Variants in DYSF observed in about 807,000 individuals in gnomAD.
DYSF encodes dysferlin, also known as dystrophy-associated fer-1-like 1.
DYSF carries 212 observed loss-of-function variants against 274.9 expected under a neutral mutation model. That is an observed-to-expected ratio of 0.77 (90% CI 0.69 to 0.86). DYSF has a LOEUF of 0.86. Ranked by LOEUF, DYSF falls within the 40% of genes least tolerant of loss-of-function variation. The pLI is 0.00. For synonymous variants in DYSF, 1,091 were observed against 1,078.7 expected, an observed-to-expected ratio of 1.01 and a Z score of -0.22; for missense variants, 2,666 against 2,783.2, an observed-to-expected ratio of 0.96 and a Z score of 0.95.
intron 41 of DYSF, among the ~76,000 whole-genome samples, chr2:71,642,998 C>T (rs2094510050): frequency 6.6e-6 from 1 of 152,158 alleles, no homozygotes; most frequent in Non-Finnish European, 1.5e-5. Flanking sequence ...TGTCCTTGGC[C>T]CTTCCCACTA....
rs1377703768 is a variant in DYSF at position 71,556,616 on chromosome 2, ATAAC to A, written c.2216+548_2216+551del. Among the ~76,000 whole-genome samples the A allele has an allele frequency of 2.0e-5, 3 of 152,202 alleles. No individual in the cohort carries two copies. The East Asian group carries it at 5.8e-4, about 29-fold the overall frequency. ...TCTCAACTTCAACCTGGCATGAAGAATAACTACTTTATAATATCTTCTAAACAAA... is the reference window on the plus strand; with the variant it reads ...TCTCAACTTCAACCTGGCATGAAGAATACTTTATAATATCTTCTAAACAAA... On this transcript the variant is annotated intron_variant, in intron 22 of 55. Transcript: ENST00000410020.
chr2:71,497,175 A>G (rs1357245109), intron 3 of DYSF, among the ~76,000 whole-genome samples: 1 of 152,230 alleles, frequency 6.6e-6, no homozygotes, highest in African/African-American at 2.4e-5. Context: ...AGACAGGGGA[A>G]TTGCAACAGA....
intron 3 of DYSF, among the ~76,000 whole-genome samples, chr2:71,496,904 T>C (rs1004097226): frequency 1.2e-4 from 19 of 152,250 alleles, no homozygotes; most frequent in African/African-American, 4.3e-4. Context: ...GTTTCTTTCA[T>C]GATGCACTCA....
rs2093812612 is a variant in DYSF, at chr2:71,613,415, G to C, written c.4464+5G>C. 6.2e-7 allele frequency: 1 copy of C among 1,611,532 alleles called. No homozygotes were observed. Among genetic ancestry groups the C allele is most frequent in the Non-Finnish European group, 8.5e-7 (1 of 1,178,992 alleles). On this transcript the variant is annotated splice_donor_5th_base_variant and intron_variant, in intron 40 of 55. Coordinates refer to ENST00000410020, the MANE Select transcript of DYSF (RefSeq NM_001130987.2). Reference sequence around the variant, plus strand: ...GAGCCCCTCATCCCCATCCAGGTAGGATGGGCATCCTCCAGGGAGGCCTGG... The same window carrying C: ...GAGCCCCTCATCCCCATCCAGGTAGCATGGGCATCCTCCAGGGAGGCCTGG...
Position 71,667,308 on chromosome 2 carries a change from C to T in DYSF, c.5318-68C>T, listed in dbSNP as rs181368320. On this transcript the variant is annotated intron_variant, in intron 47 of 55. Transcript: ENST00000410020. ...CTTAGGCAGCCCTGCTCAGCCTGTT[C>T]ACTGGGCAGCCCCATTATCTCTCGC... 3,430 of 1,609,484 alleles carry T rather than the reference C, an allele frequency of 2.1e-3. 9 individuals are homozygous for T. Among genetic ancestry groups the T allele is most frequent in the Non-Finnish European group, 2.5e-3 (2,894 of 1,177,506 alleles).
chr2:71,564,441 A>G (rs1011747726), intron 24 of DYSF, among the ~76,000 whole-genome samples: 2 of 152,172 alleles, frequency 1.3e-5, no homozygotes, highest in African/African-American at 4.8e-5. Context: ...AGCCGGAATC[A>G]CTGGCGCTGG....
At chr2:71,581,883 C>T (rs1165768408) in intron 30 of DYSF, among the ~76,000 whole-genome samples, 1 of 152,162 alleles carries the variant, frequency 6.6e-6, no homozygotes, top group African/African-American at 2.4e-5. Flanking sequence ...TGGCTCACAC[C>T]TGTAATCCCA....
chr2:71,573,941 G>A (rs558297463), intron 29 of DYSF, among the ~76,000 whole-genome samples: 1 of 152,164 alleles, frequency 6.6e-6, no homozygotes, highest in African/African-American at 2.4e-5. Flanking sequence ...TCCTGCCTCA[G>A]CCTCCCTGGT....
At chr2:71,612,252 TG>T (rs974532376) in intron 38 of DYSF, among the ~76,000 whole-genome samples, 17 of 152,140 alleles carry the variant, frequency 1.1e-4, no homozygotes, top group African/African-American at 4.1e-4. Context: ...TTTTGGGGTG[TG>T]TGGGGGGAAG....
chr2:71,648,500 A>G (rs1259382588), intron 42 of DYSF, among the ~76,000 whole-genome samples: 2 of 152,034 alleles, frequency 1.3e-5, no homozygotes, highest in African/African-American at 4.8e-5. Context: ...GAAACCTAAC[A>G]TTTGCATAAT....
intron 21 of DYSF, among the ~76,000 whole-genome samples, chr2:71,555,298 T>G (rs1209072861): frequency 6.6e-6 from 1 of 151,948 alleles, no homozygotes; most frequent in Non-Finnish European, 1.5e-5. Context: ...ACGAGATTGG[T>G]AGTCCAAGTC....
Position 71,551,036 on chromosome 2 carries a change from C to A in DYSF, c.1577-5C>A. 1 of 1,613,112 alleles carries A rather than the reference C, an allele frequency of 6.2e-7. No individual in the cohort carries two copies. The highest frequency in any genetic ancestry group is 8.5e-7 in the Non-Finnish European group (1 of 1,179,050). On this transcript the variant is annotated splice_region_variant and splice_polypyrimidine_tract_variant and intron_variant, in intron 17 of 55. Transcript: ENST00000410020. ...ACCCCTCTGATTGCCACTTGTGTCT[C>A]CCAGTGGATGACTACCTGGGCTTCC...
chr2:71,591,995 C>T (rs2093279136), intron 32 of DYSF, among the ~76,000 whole-genome samples: 1 of 152,278 alleles, frequency 6.6e-6, no homozygotes, highest in Non-Finnish European at 1.5e-5. Context: ...CAGTGGCTAA[C>T]TTGTCCTGGG....
At chr2:71,497,515 C>T (rs1445351512) in intron 3 of DYSF, among the ~76,000 whole-genome samples, 1 of 152,228 alleles carries the variant, frequency 6.6e-6, no homozygotes, top group Non-Finnish European at 1.5e-5. Context: ...CTTCCCCTTC[C>T]CCCATGATTG....
intron 19 of DYSF, among the ~76,000 whole-genome samples, chr2:71,552,402 G>A (rs2091011647): frequency 6.6e-6 from 1 of 152,210 alleles, no homozygotes. Flanking sequence ...CACTTACTAA[G>A]TGCTAGCTGT....
At chr2:71,636,240 A>G (rs1451789389) in intron 41 of DYSF, among the ~76,000 whole-genome samples, 1 of 152,204 alleles carries the variant, frequency 6.6e-6, no homozygotes, top group Non-Finnish European at 1.5e-5. Flanking sequence ...AGGGATTTGC[A>G]CAGAGGGTGA....
chr2:71,562,407 C>A (rs901333680), intron 23 of DYSF, among the ~76,000 whole-genome samples: 4 of 152,162 alleles, frequency 2.6e-5, no homozygotes, highest in Admixed American at 6.5e-5. Flanking sequence ...CCCAAGGAGG[C>A]TTCATTTTCA....
chr2:71,631,858 G>C (rs751104818), intron 41 of DYSF, among the ~76,000 whole-genome samples: 1 of 151,964 alleles, frequency 6.6e-6, no homozygotes, highest in Non-Finnish European at 1.5e-5. Flanking sequence ...GCACACTGCA[G>C]GGGGGACAGC....
At chr2:71,492,706 C>CA (rs1319934897) in intron 3 of DYSF, among the ~76,000 whole-genome samples, 1 of 141,708 alleles carries the variant, frequency 7.1e-6, no homozygotes, top group South Asian at 2.6e-4. Context: ...CCTCCCCCCC[C>CA]CCCTTTTCTT....
Sources: gnomAD v4.1 joint callset for allele counts (sites outside exome capture counted in the v4.1 genomes callset) on GRCh38, gnomAD v4.1.1 for gene constraint, MANE v1.5 for transcripts, NCBI Gene and HGNC (gene_info 2026-07-23, HGNC 2026-07-21) for gene names.